H2BC18: variants seen among roughly 807,000 people sequenced by gnomAD.
The protein encoded by H2BC18 is H2B clustered histone 18.
A neutral mutation model predicts 6.3 loss-of-function variants in H2BC18; 8 were observed. The observed-to-expected ratio is 1.28, with a 90% CI of 0.75 to 2.31. The LOEUF (loss-of-function observed/expected upper bound fraction) is 2.31. Among genes scored for constraint, H2BC18 ranks in the 30% most tolerant of loss-of-function variants. The pLI is 0.00. For synonymous variants in H2BC18, 104 were observed against 78.1 expected, an observed-to-expected ratio of 1.33 and a Z score of -1.75; for missense variants, 106 against 174.5, an observed-to-expected ratio of 0.61 and a Z score of 2.21.
downstream of H2BC18, chr1:149,810,458 A>C (rs1276919206): frequency 1.3e-5 from 2 of 152,188 alleles, no homozygotes; most frequent in African/African-American, 4.8e-5. Context: ...CAACATCATA[A>C]AAATTAGTAA....
chr1:149,808,695 T>TGG (rs1298781674), downstream of H2BC18, among the ~76,000 whole-genome samples: 2 of 152,234 alleles, frequency 1.3e-5, no homozygotes, highest in Non-Finnish European at 2.9e-5. Context: ...GTTGACATTG[T>TGG]GGGGCCTAGA....
intron 1 of H2BC18, among the ~76,000 whole-genome samples, chr1:149,797,650 T>G (rs1553752909): frequency 6.6e-6 from 1 of 152,188 alleles, no homozygotes; most frequent in Non-Finnish European, 1.5e-5. Flanking sequence ...CAGGCTGGAG[T>G]GCAGTGGCAT....
At chr1:149,794,096 A>T (rs1553752545) in intron 1 of H2BC18, 2 of 484,924 alleles carry the variant, frequency 4.1e-6, no homozygotes. Flanking sequence ...GGCTGTAGAG[A>T]GACAACAGTA....
chr1:149,807,512 G>A (rs1448424695), downstream of H2BC18, among the ~76,000 whole-genome samples: 11 of 12,396 alleles, frequency 8.9e-4, 1 homozygote, highest in Non-Finnish European at 1.1e-3. Flanking sequence ...AAGGCATGGC[G>A]GGGGGGGGGG....
At chr1:149,804,058 A>ATTAT (rs2091896003) in intron 1 of H2BC18, 2 of 152,142 alleles carry the variant, frequency 1.3e-5, no homozygotes, top group African/African-American at 4.8e-5. Flanking sequence ...CATTTCCCAA[A>ATTAT]TTATTTGCAC....
intron 1 of H2BC18, chr1:149,786,097 A>G (rs1303907941): frequency 6.6e-6 from 1 of 152,070 alleles, no homozygotes; most frequent in African/African-American, 2.4e-5. Context: ...ACATGTTTCA[A>G]ATATTTTCTA....
chr1:149,806,451 G>A (rs2091917715), intron 1 of H2BC18, among the ~76,000 whole-genome samples: 1 of 152,134 alleles, frequency 6.6e-6, no homozygotes, highest in Non-Finnish European at 1.5e-5. Flanking sequence ...AGCTGGGTAT[G>A]GTGGCACTTG....
intron 1 of H2BC18, among the ~76,000 whole-genome samples, chr1:149,804,702 G>A (rs2091902255): frequency 6.6e-6 from 1 of 152,178 alleles, no homozygotes; most frequent in African/African-American, 2.4e-5. Context: ...TTCATATCAA[G>A]CCTAGAAGGT....
chr1:149,794,146 C>T, intron 1 of H2BC18: 12 of 367,278 alleles, frequency 3.3e-5, no homozygotes, highest in South Asian at 2.2e-4. Flanking sequence ...TGAGAGGCAG[C>T]GGCAGCCTGG....
chr1:149,796,577 G>T (rs2091803062), intron 1 of H2BC18, among the ~76,000 whole-genome samples: 2 of 152,108 alleles, frequency 1.3e-5, no homozygotes, highest in South Asian at 4.1e-4. Flanking sequence ...TTTCTACCTT[G>T]AATTCTAGTT....
chr1:149,801,923 A>G (rs1418773331), intron 1 of H2BC18, among the ~76,000 whole-genome samples: 1 of 152,124 alleles, frequency 6.6e-6, no homozygotes, highest in African/African-American at 2.4e-5. Context: ...GAAAAATTTA[A>G]TATGCCACTT....
intron 1 of H2BC18, among the ~76,000 whole-genome samples, chr1:149,789,286 G>A (rs1272392909): frequency 3.3e-5 from 5 of 152,050 alleles, no homozygotes; most frequent in South Asian, 2.1e-4. Context: ...CCAGCTACTC[G>A]GGAGGCTGAG....
chr1:149,812,302 C>T lies in H2BC18; in HGVS notation c.22G>A (p.Ala8Thr), dbSNP rs147233633. 38 of 1,614,032 alleles carry T rather than the reference C, an allele frequency of 2.4e-5. No homozygotes were observed. The highest frequency in any genetic ancestry group is 2.8e-5 in the Non-Finnish European group (33 of 1,180,028). Reference sequence around the variant, plus strand: ...TTGGAGCCCTTCTTGGGAGCAGGAGCGGATTTCGCTGGATCCGGCATTTTT... The same window carrying T: ...TTGGAGCCCTTCTTGGGAGCAGGAGTGGATTTCGCTGGATCCGGCATTTTT... Reference protein sequence around the residue: MPDPAKSAPAPKKGSKKA... With the variant: MPDPAKSTPAPKKGSKKA... Residue 8 changes from alanine (A) to threonine (T), a missense_variant, in exon 1 of 1, where the codon GCT becomes ACT. By Grantham distance (58) the Ala-to-Thr change is moderately conservative. Coordinates refer to ENST00000369167, the MANE Select transcript of H2BC18 (RefSeq NM_001024599.5).
At chr1:149,806,702 G>C (rs1340384420) in intron 1 of H2BC18, among the ~76,000 whole-genome samples, 1 of 152,192 alleles carries the variant, frequency 6.6e-6, no homozygotes, top group Non-Finnish European at 1.5e-5. Context: ...AATGACAGTT[G>C]GTAAAGTAAC....
At chr1:149,788,558 A>G in intron 1 of H2BC18, 1 of 1,613,976 alleles carries the variant, frequency 6.2e-7, no homozygotes, top group Non-Finnish European at 8.5e-7. Context: ...GGCACCTACC[A>G]TTGCTCAGGC....
rs1414695244 is a variant in H2BC18 at position 149,811,892 on chromosome 1, A to G, written c.*51T>C. Reference sequence around the variant, plus strand: ...TTTCTCGATTACTGAAGTGGCTCTGAAAAGAGCCTTTGGGGTTAGGTGGTT... The same window carrying G: ...TTTCTCGATTACTGAAGTGGCTCTGGAAAGAGCCTTTGGGGTTAGGTGGTT... On this transcript the variant is annotated 3_prime_UTR_variant, in exon 1 of 1. Transcript: ENST00000369167. 1.3e-6 allele frequency: 2 copies of G among 1,511,916 alleles called. No homozygotes were observed. The highest frequency in any genetic ancestry group is 1.8e-6 in the Non-Finnish European group (2 of 1,094,820). The allele number at this position is 1,511,916 out of a possible 1,614,324, so 93.7% of individuals were successfully genotyped here. A position where few individuals can be genotyped will look rare whatever the true frequency, so the allele number is the denominator to read the frequency against.
At chr1:149,799,977 C>T (rs587709950) in intron 1 of H2BC18, among the ~76,000 whole-genome samples, 11 of 152,070 alleles carry the variant, frequency 7.2e-5, no homozygotes, top group African/African-American at 2.4e-4. Context: ...CAGGAGATCC[C>T]ACAGGTTGAG....
intron 1 of H2BC18, among the ~76,000 whole-genome samples, chr1:149,798,724 G>C: frequency 6.6e-6 from 1 of 152,034 alleles, no homozygotes; most frequent in East Asian, 1.9e-4. Context: ...CAATCCTCCT[G>C]CTTCAGCCTC....
intron 1 of H2BC18, chr1:149,792,447 G>A (rs1265900024): frequency 1.0e-6 from 1 of 963,342 alleles, no homozygotes; most frequent in African/African-American, 1.9e-5. Flanking sequence ...TAACATAGCT[G>A]AGGTAAAAAC....
Sources: gnomAD v4.1 joint callset for allele counts (sites outside exome capture counted in the v4.1 genomes callset) on GRCh38, gnomAD v4.1.1 for gene constraint, MANE v1.5 for transcripts, NCBI Gene and HGNC (gene_info 2026-07-23, HGNC 2026-07-21) for gene names.